ASTN2: variants seen among roughly 807,000 people sequenced by gnomAD.
The protein encoded by ASTN2 is astrotactin 2.
In ASTN2, 54 loss-of-function variants were observed where a neutral mutation model predicts 139.8. The observed-to-expected ratio is 0.39, with a 90% CI of 0.31 to 0.48. The LOEUF (loss-of-function observed/expected upper bound fraction) is 0.48, where lower values mean the gene tolerates loss of function less well. ASTN2 is among the 20% of genes least tolerant of loss of function. The pLI, the probability that ASTN2 is intolerant of heterozygous loss-of-function variation, is 0.95. For synonymous variants in ASTN2, 756 were observed against 719.5 expected (o/e 1.05, Z -0.81); for missense variants, 1,565 against 1,725.1 (o/e 0.91, Z 1.64).
intron 3 of ASTN2, among the ~76,000 whole-genome samples, chr9:117,154,485 C>T (rs1415478788): frequency 1.3e-5 from 2 of 152,012 alleles, no homozygotes; most frequent in African/African-American, 4.8e-5. Flanking sequence ...TGCTGTGTGA[C>T]TTTGGACACT....
intron 2 of ASTN2, among the ~76,000 whole-genome samples, chr9:117,260,903 C>T (rs1421106944): frequency 6.6e-6 from 1 of 152,150 alleles, no homozygotes; most frequent in Non-Finnish European, 1.5e-5. Flanking sequence ...TTTGAAAGTA[C>T]TCCATACAAC....
chr9:117,142,829 T>C (rs1027453282), intron 3 of ASTN2, among the ~76,000 whole-genome samples: 8 of 152,214 alleles, frequency 5.3e-5, no homozygotes, highest in African/African-American at 1.9e-4. Context: ...AAGACAGCCC[T>C]GACTTTGAAA....
At chr9:117,278,565 G>A (rs932504571) in intron 2 of ASTN2, among the ~76,000 whole-genome samples, 2 of 152,164 alleles carry the variant, frequency 1.3e-5, no homozygotes, top group South Asian at 2.1e-4. Flanking sequence ...TTTTAGAGGC[G>A]GAAGCCAAGA....
intron 13 of ASTN2, among the ~76,000 whole-genome samples, chr9:116,735,149 C>A (rs1284635245): frequency 6.6e-6 from 1 of 152,146 alleles, no homozygotes. Flanking sequence ...TCTGCCCAGG[C>A]ATGCACGTGC....
At chr9:117,353,730 C>T (rs1178561521) in intron 1 of ASTN2, among the ~76,000 whole-genome samples, 2 of 152,126 alleles carry the variant, frequency 1.3e-5, no homozygotes, top group Non-Finnish European at 2.9e-5. Flanking sequence ...CTAATCGCGC[C>T]ATCTGCTTTC....
At chr9:117,018,885 C>CAAGGAAATTGGAGCTA (rs1196724666) in intron 6 of ASTN2, among the ~76,000 whole-genome samples, 1 of 151,956 alleles carries the variant, frequency 6.6e-6, no homozygotes, top group Non-Finnish European at 1.5e-5. Context: ...ATTGTACAGA[C>CAAGGAAATTGGAGCTA]AAGGAAATTG....
At chr9:117,216,332 G>C (rs1222991905) in intron 2 of ASTN2, among the ~76,000 whole-genome samples, 1 of 152,234 alleles carries the variant, frequency 6.6e-6, no homozygotes, top group Non-Finnish European at 1.5e-5. Flanking sequence ...GGGACTGGGT[G>C]GATAAGAGGA....
intron 1 of ASTN2, among the ~76,000 whole-genome samples, chr9:117,380,615 A>T (rs1830244642): frequency 6.7e-6 from 1 of 149,962 alleles, no homozygotes; most frequent in South Asian, 2.1e-4. Flanking sequence ...AAAAAAAAAA[A>T]GATAACCTGC....
chr9:117,291,732 G>T (rs1463942923), intron 1 of ASTN2, among the ~76,000 whole-genome samples: 2 of 152,178 alleles, frequency 1.3e-5, no homozygotes, highest in Non-Finnish European at 2.9e-5. Flanking sequence ...GTGGAAGCAG[G>T]GTTTGCACCC....
At position 116,805,705 on chromosome 9, in the gene ASTN2, C is replaced by T; in HGVS notation, c.2323G>A (p.Gly775Arg). 6.2e-7 allele frequency: 1 copy of T among 1,613,976 alleles called. No individual in the cohort carries two copies. Among genetic ancestry groups the T allele is most frequent in the East Asian group, 2.2e-5 (1 of 44,884 alleles). ...PDSKFNDTLF[G>R]EMLHGYNNRT... ...TTGTTGTAACCATGTAGCATCTCTC[C>T]AAAGAGGGTATCATTGAATTTGGAG... The change falls in exon 13 of 23, where the codon GGA becomes AGA. Residue 775 changes from glycine (G) to arginine (R), a missense_variant. By Grantham distance (125) the Gly-to-Arg change is moderately radical (BLOSUM62 -2). Around this residue, in one of 4 missense-constraint regions of ASTN2, gnomAD observed 503 missense variants for 591.7 expected, o/e 0.85. Coordinates refer to ENST00000313400, the MANE Select transcript of ASTN2 (RefSeq NM_001365068.1).
At chr9:117,040,494 T>G (rs943432397) in intron 5 of ASTN2, among the ~76,000 whole-genome samples, 10 of 152,214 alleles carry the variant, frequency 6.6e-5, no homozygotes, top group Non-Finnish European at 1.5e-4. Flanking sequence ...AGTCTCGCTT[T>G]GTCGCCCAGG....
intron 13 of ASTN2, among the ~76,000 whole-genome samples, chr9:116,803,522 A>ATATATATATATTT (rs1554748694): frequency 7.1e-4 from 15 of 21,052 alleles, no homozygotes; most frequent in Admixed American, 1.3e-3. Context: ...ATATATATAT[A>ATATATATATATTT]TTTTTTTTTT....
chr9:117,203,699 G>A (rs1446158700), intron 3 of ASTN2, among the ~76,000 whole-genome samples: 1 of 152,158 alleles, frequency 6.6e-6, no homozygotes, highest in African/African-American at 2.4e-5. Context: ...CACTCAAGGA[G>A]TCTGGAGAGC....
intron 19 of ASTN2, among the ~76,000 whole-genome samples, chr9:116,571,588 G>T (rs577573263): frequency 1.4e-3 from 211 of 152,248 alleles, no homozygotes; most frequent in South Asian, 9.3e-3. Flanking sequence ...TTTGTGCTGG[G>T]TGGATCCATG....
At chr9:116,446,256 GAGAGAGAGAGAGAGAT>G (rs1247588350) in intron 20 of ASTN2, among the ~76,000 whole-genome samples, 4 of 57,604 alleles carry the variant, frequency 6.9e-5, no homozygotes, top group Admixed American at 3.1e-4. Context: ...AGGGGAGAGG[GAGAGAGAGAGAGAGAT>G]AGAGAGAGAG....
At chr9:116,749,007 C>T (rs759262623) in intron 13 of ASTN2, among the ~76,000 whole-genome samples, 12 of 152,142 alleles carry the variant, frequency 7.9e-5, no homozygotes, top group Non-Finnish European at 1.5e-4. Context: ...TGCAGTCACA[C>T]ACCTGGATTT....
chr9:117,119,986 TTGTATGTG>T (rs370250690), intron 4 of ASTN2, among the ~76,000 whole-genome samples: 12 of 79,914 alleles, frequency 1.5e-4, no homozygotes, highest in African/African-American at 1.5e-4. Flanking sequence ...CTCTATATAT[TTGTATGTG>T]TGTGTGTGTG....
chr9:116,646,556 T>A lies in ASTN2; in HGVS notation c.3072+4972A>T, dbSNP rs577129458. Reference sequence around the variant, plus strand: ...GTGGCCATATTCCCTTCCTCCAGGATCATTTCCAGACCTGCAGTGGGTCTA... The same window carrying A: ...GTGGCCATATTCCCTTCCTCCAGGAACATTTCCAGACCTGCAGTGGGTCTA... On this transcript the variant is annotated intron_variant, in intron 17 of 22. Coordinates refer to ENST00000313400, the MANE Select transcript of ASTN2 (RefSeq NM_001365068.1). Among the ~76,000 whole-genome samples, 6 of 152,278 alleles carry A rather than the reference T, an allele frequency of 3.9e-5. No individual in the cohort carries two copies. The East Asian group carries it at 1.2e-3, about 29-fold the overall frequency.
chr9:116,923,460 G>C (rs1395913116), intron 10 of ASTN2, among the ~76,000 whole-genome samples: 1 of 152,164 alleles, frequency 6.6e-6, no homozygotes, highest in Admixed American at 6.5e-5. Context: ...CAGTTGTCCT[G>C]GAAAAACCAG....
Sources: allele counts gnomAD v4.1 joint callset (sites outside exome capture counted in the v4.1 genomes callset), GRCh38; gene constraint gnomAD v4.1.1; regional missense constraint gnomAD v4.1.1; transcripts MANE v1.5; gene names NCBI Gene and HGNC (gene_info 2026-07-23, HGNC 2026-07-21).